The following SLCO3A1 variants were observed in gnomAD, a reference collection of about 807,000 sequenced individuals.
SLCO3A1 encodes solute carrier organic anion transporter family member 3A1, also known as PGE1 transporter.
SLCO3A1 carries 27 observed loss-of-function variants against 63.1 expected under a neutral mutation model. The ratio of observed to expected loss-of-function variants is 0.43; its 90% CI spans 0.32 to 0.59. The LOEUF is 0.59. Among genes scored for constraint, SLCO3A1 ranks in the 20% least tolerant of loss-of-function variants. The pLI is 0.09. For synonymous variants in SLCO3A1, 473 were observed against 409.9 expected (o/e 1.15, Z -1.86); for missense variants, 773 against 945.8 (o/e 0.82, Z 2.40).
chr15:91,919,920 T>C (rs1042214703), intron 2 of SLCO3A1, among the ~76,000 whole-genome samples: 6 of 152,244 alleles, frequency 3.9e-5, no homozygotes, highest in Non-Finnish European at 5.9e-5. Context: ...CACAATTCTA[T>C]TCTCTCTTCT....
chr15:92,049,941 A>G (rs1020717122), intron 2 of SLCO3A1, among the ~76,000 whole-genome samples: 3 of 152,220 alleles, frequency 2.0e-5, no homozygotes, highest in Non-Finnish European at 4.4e-5. Flanking sequence ...AGAAGAGTTC[A>G]GAACCTGAAG....
intron 2 of SLCO3A1, among the ~76,000 whole-genome samples, chr15:92,066,059 C>A (rs1465025282): frequency 2.0e-5 from 3 of 152,256 alleles, no homozygotes; most frequent in Admixed American, 1.3e-4. Context: ...ACCAGCCACC[C>A]TCCATCCTTC....
At chr15:92,141,810 C>T (rs974343718) in intron 7 of SLCO3A1, among the ~76,000 whole-genome samples, 1 of 152,220 alleles carries the variant, frequency 6.6e-6, no homozygotes, top group African/African-American at 2.4e-5. Context: ...CTTAGCACAA[C>T]GTTGGACAAA....
chr15:91,864,811 A>T lies in SLCO3A1; in HGVS notation c.180+10723A>T, dbSNP rs148896802. The stretch of plus-strand genomic sequence containing the variant: ...TTGGTGCTGCTTTTTGCACCCGGTG[A>T]GCCCAACAGTGATGGTCACAGGTGT... On this transcript the variant is annotated intron_variant, in intron 1 of 9. Transcript: ENST00000318445. Among the ~76,000 whole-genome samples, 26 of 152,290 alleles carry T rather than the reference A, an allele frequency of 1.7e-4. No homozygotes were observed. The East Asian group carries it at 4.4e-3, about 26-fold the overall frequency.
At chr15:91,977,067 A>G (rs1034319927) in intron 2 of SLCO3A1, among the ~76,000 whole-genome samples, 1 of 152,148 alleles carries the variant, frequency 6.6e-6, no homozygotes, top group East Asian at 1.9e-4. Flanking sequence ...GGAACTAGAT[A>G]GGGGTGATAG....
chr15:92,053,893 T>C (rs2151499802), intron 2 of SLCO3A1, among the ~76,000 whole-genome samples: 1 of 152,194 alleles, frequency 6.6e-6, no homozygotes, highest in African/African-American at 2.4e-5. Flanking sequence ...CCTCTTTGTC[T>C]GCTGTTTGGC....
At chr15:92,069,823 G>T (rs1315139404) in intron 2 of SLCO3A1, among the ~76,000 whole-genome samples, 1 of 152,196 alleles carries the variant, frequency 6.6e-6, no homozygotes, top group Non-Finnish European at 1.5e-5. Context: ...AGCTGTGGCT[G>T]AGAACCCACC....
chr15:92,100,515 C>T (rs2047592785), intron 3 of SLCO3A1, among the ~76,000 whole-genome samples: 1 of 152,194 alleles, frequency 6.6e-6, no homozygotes, highest in African/African-American at 2.4e-5. Context: ...CAGTTTTGTT[C>T]TGGGCATCTT....
chr15:92,126,854 G>A (rs953956282), intron 6 of SLCO3A1, among the ~76,000 whole-genome samples: 1 of 152,220 alleles, frequency 6.6e-6, no homozygotes, highest in African/African-American at 2.4e-5. Context: ...CAGCTATCCA[G>A]TATCAATAGC....
intron 9 of SLCO3A1, 163 bp downstream of exon 9, chr15:92,151,177 T>C (rs1481380535): frequency 1.7e-6 from 1 of 587,628 alleles, no homozygotes; most frequent in African/African-American, 1.9e-5. Flanking sequence ...TGGTCAGAGA[T>C]AAACTCAGAC....
chr15:91,960,097 C>T (rs1900386021), intron 2 of SLCO3A1, among the ~76,000 whole-genome samples: 2 of 152,128 alleles, frequency 1.3e-5, no homozygotes, highest in Non-Finnish European at 2.9e-5. Context: ...GATTCTCCTG[C>T]CTTAGCCTCC....
In SLCO3A1 at chr15:92,022,321, C is replaced by A. The variant is rs767927825; in HGVS notation, c.647-72560C>A. Among the ~76,000 whole-genome samples the A allele has an allele frequency of 5.3e-5, 8 of 152,188 alleles. 1 individual carries two copies. Among genetic ancestry groups the A allele is most frequent in the Non-Finnish European group, 7.3e-5 (5 of 68,032 alleles). ...TTAGGAACAAAAACAGACATTTTAACACCTGTGCGTGTGAACATTCTACAT... is the reference window on the plus strand; with the variant it reads ...TTAGGAACAAAAACAGACATTTTAAAACCTGTGCGTGTGAACATTCTACAT... On this transcript the variant is annotated intron_variant, in intron 2 of 9. Transcript: ENST00000318445.
chr15:91,915,281 A>G lies in SLCO3A1; in HGVS notation c.181-712A>G, dbSNP rs535574452. The stretch of plus-strand genomic sequence containing the variant: ...CTGGCAAGCAGCAGATGTTCGGTAT[A>G]TGTTTAACAAACATAGGGCAGACAA... On this transcript the variant is annotated intron_variant, in intron 1 of 9. Coordinates refer to ENST00000318445, the MANE Select transcript of SLCO3A1 (RefSeq NM_013272.4). Among the ~76,000 whole-genome samples the G allele has an allele frequency of 3.5e-4, 53 of 152,254 alleles. No individual in the cohort carries two copies. The South Asian group carries it at 0.01, about 30-fold the overall frequency.
intron 2 of SLCO3A1, among the ~76,000 whole-genome samples, chr15:92,063,498 T>A (rs1296124224): frequency 6.6e-6 from 1 of 152,230 alleles, no homozygotes; most frequent in Non-Finnish European, 1.5e-5. Context: ...AGAGGGTTAT[T>A]GTGAAGACTG....
At chr15:92,060,614 C>G (rs972985415) in intron 2 of SLCO3A1, among the ~76,000 whole-genome samples, 6 of 152,024 alleles carry the variant, frequency 3.9e-5, no homozygotes, top group South Asian at 2.1e-4. Flanking sequence ...GTTCTCCTGC[C>G]TCAGCCTCCC....
chr15:91,937,808 A>C lies in SLCO3A1; in HGVS notation c.646+21350A>C, dbSNP rs190521223. 5.5e-3 allele frequency among the ~76,000 whole-genome samples: 833 copies of C among 152,236 alleles called. 2 individuals are homozygous for C. Among genetic ancestry groups the C allele is most frequent in the Middle Eastern group, 0.041 (12 of 290 alleles). On this transcript the variant is annotated intron_variant, in intron 2 of 9. Transcript: ENST00000318445. ...ACATTCTGGGAAGCACAGGTTATGC[A>C]AAGTTTTAATTTGAGACAATGAGAA...
At chr15:91,977,461 A>G (rs1203236920) in intron 2 of SLCO3A1, among the ~76,000 whole-genome samples, 2 of 152,194 alleles carry the variant, frequency 1.3e-5, no homozygotes, top group Non-Finnish European at 2.9e-5. Context: ...TTAGGGAGGA[A>G]GGGGAAAAAT....
chr15:92,006,074 C>T (rs12148507), intron 2 of SLCO3A1, among the ~76,000 whole-genome samples: 18,579 of 152,060 alleles, frequency 0.12, 1,219 homozygotes, highest in Non-Finnish European at 0.15. Context: ...TCGTCTCATG[C>T]TTGGGCGTGC....
chr15:92,163,225 C>T lies in SLCO3A1; in HGVS notation c.*90C>T. 6.9e-7 allele frequency: 1 copy of T among 1,449,540 alleles called. No homozygotes were observed. Among genetic ancestry groups the T allele is most frequent in the Non-Finnish European group, 9.0e-7 (1 of 1,110,186 alleles). The allele number at this position is 1,449,540 out of a possible 1,614,324, so 89.8% of individuals were successfully genotyped here. On this transcript the variant is annotated 3_prime_UTR_variant, in exon 10 of 10. Coordinates refer to ENST00000318445, the MANE Select transcript of SLCO3A1 (RefSeq NM_013272.4). Reference sequence around the variant, plus strand: ...AAAAAGGTTCCAAAAAAAACCAAAACTCAGTACACACACACAGGCACAGAT... The same window carrying T: ...AAAAAGGTTCCAAAAAAAACCAAAATTCAGTACACACACACAGGCACAGAT...
Sources: gnomAD v4.1 joint callset for allele counts (sites outside exome capture counted in the v4.1 genomes callset) on GRCh38, gnomAD v4.1.1 for gene constraint, MANE v1.5 for transcripts, NCBI Gene and HGNC (gene_info 2026-07-23, HGNC 2026-07-21) for gene names.